SLC22A25: variants seen among roughly 807,000 people sequenced by gnomAD.
SLC22A25 encodes the protein solute carrier family 22 member 25.
SLC22A25 carries 44 observed loss-of-function variants against 45.9 expected under a neutral mutation model. That is an observed-to-expected ratio of 0.96 (90% CI 0.75 to 1.23). The LOEUF (loss-of-function observed/expected upper bound fraction) is 1.23, where lower values mean the gene tolerates loss of function less well. Among genes scored for constraint, SLC22A25 ranks in the 50% most tolerant of loss-of-function variants. The probability of loss-of-function intolerance (pLI) is 0.00; values close to 1 mark genes in which losing one functional copy is unlikely to be tolerated. For missense variants in SLC22A25, 800 were observed against 666.4 expected, an observed-to-expected ratio of 1.20 and a Z score of -2.21; for synonymous variants, 283 against 238.6, an observed-to-expected ratio of 1.19 and a Z score of -1.72.
In SLC22A25 at chr11:63,188,460, C is replaced by T. The variant is rs560460457; in HGVS notation, c.831-4643G>A. ...TTTTCTTCTTTATTAGTCCTGCTAG[C>T]GGTCTATCTATTTTGTTGCTCTTTT... On this transcript the variant is annotated intron_variant, in intron 7 of 11. Coordinates refer to ENST00000306494, the MANE Select transcript of SLC22A25 (RefSeq NM_199352.6). 4.2e-3 allele frequency among the ~76,000 whole-genome samples: 645 copies of T among 152,122 alleles called. 5 individuals carry two copies. Among genetic ancestry groups the T allele is most frequent in the African/African-American group, 0.013 (556 of 41,466 alleles).
intron 9 of SLC22A25, among the ~76,000 whole-genome samples, chr11:63,168,465 G>T (rs1375291148): frequency 6.6e-6 from 1 of 152,086 alleles, no homozygotes; most frequent in Non-Finnish European, 1.5e-5. Flanking sequence ...GTTTAGAGAA[G>T]AACATAAATG....
At position 63,243,589 on chromosome 11, in the gene SLC22A25, G is replaced by A; in HGVS notation, c.-1151C>T. The stretch of plus-strand genomic sequence containing the variant: ...CCGACAACTCCATCAAGCCTCAGGA[G>A]CTGCTGGAGTGGGAACTGGTGGTGT... On this transcript the variant is annotated 5_prime_UTR_variant, in exon 1 of 12. Coordinates refer to ENST00000306494, the MANE Select transcript of SLC22A25 (RefSeq NM_199352.6). 1.3e-6 allele frequency: 1 copy of A among 767,770 alleles called. No individual in the cohort carries two copies. The highest frequency in any genetic ancestry group is 2.4e-6 in the Non-Finnish European group (1 of 411,966). The allele number at this position is 767,770 out of a possible 1,614,324, so 47.6% of individuals were successfully genotyped here.
At chr11:63,216,910 T>C (rs908816692) in intron 7 of SLC22A25, among the ~76,000 whole-genome samples, 14 of 152,218 alleles carry the variant, frequency 9.2e-5, no homozygotes, top group Non-Finnish European at 1.9e-4. Context: ...GCATGTCCCA[T>C]GAGATATTTT....
intron 5 of SLC22A25, 90 bp from the exon 6 acceptor site, chr11:63,217,825 A>G (rs2089757491): frequency 6.9e-7 from 1 of 1,442,926 alleles, no homozygotes; most frequent in South Asian, 1.4e-5. Context: ...AACTTAAAGG[A>G]TGTTTAACAA....
chr11:63,229,499 G>A lies in SLC22A25; in HGVS notation c.154C>T (p.His52Tyr). The change falls in exon 4 of 12, where the codon CAT becomes TAT. Residue 52 changes from histidine (H) to tyrosine (Y), a missense_variant. Coordinates refer to ENST00000306494, the MANE Select transcript of SLC22A25 (RefSeq NM_199352.6). ...GGGATAGTGTCATTGTCCAGTATAT[G>A]AACCCAGCAGCGATGATCAAGTATG... ...AFILDHRCWV[H>Y]ILDNDTIPDN... 2 of 1,614,156 alleles carry A rather than the reference G, an allele frequency of 1.2e-6. No homozygotes were observed. Among genetic ancestry groups the A allele is most frequent in the South Asian group, 2.2e-5 (2 of 91,078 alleles).
intron 3 of SLC22A25, among the ~76,000 whole-genome samples, chr11:63,230,723 C>T (rs149580358): frequency 0.034 from 5,138 of 152,238 alleles, 120 homozygotes; most frequent in Non-Finnish European, 0.056. Flanking sequence ...CATATGTATA[C>T]GTGTGCCATG....
At chr11:63,188,173 C>G (rs1010292156) in intron 7 of SLC22A25, among the ~76,000 whole-genome samples, 6 of 152,134 alleles carry the variant, frequency 3.9e-5, no homozygotes, top group Non-Finnish European at 8.8e-5. Flanking sequence ...TCCATCTGGT[C>G]CTGGACTTTT....
At chr11:63,234,079 G>C (rs946794612) in intron 3 of SLC22A25, among the ~76,000 whole-genome samples, 2 of 152,178 alleles carry the variant, frequency 1.3e-5, no homozygotes, top group African/African-American at 4.8e-5. Context: ...TTTTGGAATA[G>C]GAGTGGTGTG....
At chr11:63,208,794 G>T (rs541512690) in intron 7 of SLC22A25, among the ~76,000 whole-genome samples, 1 of 152,138 alleles carries the variant, frequency 6.6e-6, no homozygotes, top group Non-Finnish European at 1.5e-5. Context: ...GCATATGGCT[G>T]ATAGGACCAG....
chr11:63,240,654 T>A (rs1185805621), intron 1 of SLC22A25, among the ~76,000 whole-genome samples: 1 of 152,238 alleles, frequency 6.6e-6, no homozygotes, highest in African/African-American at 2.4e-5. Flanking sequence ...ATTAAGTTTA[T>A]TTTTTGCTTT....
chr11:63,242,296 A>G (rs1249983678), intron 1 of SLC22A25, among the ~76,000 whole-genome samples: 2 of 152,236 alleles, frequency 1.3e-5, no homozygotes, highest in African/African-American at 2.4e-5. Context: ...GGCAGAACCC[A>G]GAGACCAGAT....
intron 9 of SLC22A25, chr11:63,167,807 G>A: frequency 5.4e-6 from 1 of 185,082 alleles, no homozygotes; most frequent in Non-Finnish European, 1.2e-5. Context: ...CACAGTGCTT[G>A]AGCTCTGCTA....
intron 7 of SLC22A25, among the ~76,000 whole-genome samples, chr11:63,200,255 A>T (rs1024985379): frequency 6.6e-6 from 1 of 150,772 alleles, no homozygotes; most frequent in Non-Finnish European, 1.5e-5. Flanking sequence ...AAAAATCCTT[A>T]AAAAATTACT....
chr11:63,182,122 A>G (rs1041564325), intron 8 of SLC22A25, among the ~76,000 whole-genome samples: 1 of 151,926 alleles, frequency 6.6e-6, no homozygotes, highest in African/African-American at 2.4e-5. Context: ...ACATATGGAT[A>G]ATATTTACAA....
At position 63,160,165 on chromosome 11, in the gene SLC22A25, C is replaced by T. The variant is rs1271800474; in HGVS notation, c.*3659G>A. 6.6e-6 allele frequency among the ~76,000 whole-genome samples: 1 copy of T among 152,178 alleles called. No individual in the cohort carries two copies. Among genetic ancestry groups the T allele is most frequent in the Non-Finnish European group, 1.5e-5 (1 of 68,022 alleles). ...AGAAATTTGCATAAGTAATGAGGAA[C>T]CAAAGGTTAATCCCTAAGACAATGG... On this transcript the variant is annotated 3_prime_UTR_variant, in exon 12 of 12. Coordinates refer to ENST00000306494, the MANE Select transcript of SLC22A25 (RefSeq NM_199352.6).
At chr11:63,167,564 G>A (rs1590773773) in intron 9 of SLC22A25, 1 of 152,394 alleles carries the variant, frequency 6.6e-6, no homozygotes, top group African/African-American at 2.4e-5. Flanking sequence ...TTCAAACTGT[G>A]TGGAACTTAC....
chr11:63,178,476 A>AT (rs35620794), intron 9 of SLC22A25, among the ~76,000 whole-genome samples: 76,551 of 147,554 alleles, frequency 0.52, 20,596 homozygotes, highest in Non-Finnish European at 0.62. Context: ...CTTCCCCAGC[A>AT]TTTTTTTTTT....
chr11:63,187,778 C>T (rs1485182309), intron 7 of SLC22A25, among the ~76,000 whole-genome samples: 1 of 152,122 alleles, frequency 6.6e-6, no homozygotes, highest in Admixed American at 6.5e-5. Context: ...TTATCAAAGG[C>T]CGTTTCTGCA....
At chr11:63,176,601 G>A (rs1028286387) in intron 9 of SLC22A25, among the ~76,000 whole-genome samples, 5 of 151,902 alleles carry the variant, frequency 3.3e-5, no homozygotes, top group African/African-American at 1.2e-4. Context: ...TAAAATTTTT[G>A]TGTGTGTAAT....
Sources: allele counts gnomAD v4.1 joint callset (sites outside exome capture counted in the v4.1 genomes callset), GRCh38; gene constraint gnomAD v4.1.1; transcripts MANE v1.5; gene names NCBI Gene and HGNC (gene_info 2026-07-23, HGNC 2026-07-21).